NXPH1: variants seen among roughly 807,000 people sequenced by gnomAD.
The protein encoded by NXPH1 is neurexophilin-1.
In NXPH1, 5 loss-of-function variants were observed where a neutral mutation model predicts 23.7. The observed-to-expected ratio is 0.21, with a 90% confidence interval of 0.11 to 0.44. The LOEUF is 0.44. NXPH1 is among the 20% of genes least tolerant of loss of function. The pLI, the probability that NXPH1 is intolerant of heterozygous loss-of-function variation, is 0.99. For synonymous variants in NXPH1, 144 were observed against 122.2 expected (o/e 1.18, Z -1.18); for missense variants, 324 against 321.6 (o/e 1.01, Z -0.06).
At chr7:8,534,845 C>T (rs531073958) in intron 2 of NXPH1, among the ~76,000 whole-genome samples, 10 of 152,110 alleles carry the variant, frequency 6.6e-5, no homozygotes, top group African/African-American at 1.4e-4. Context: ...AAAACTACAA[C>T]GCAGGTTATG....
At chr7:8,612,852 A>G (rs1819650246) in intron 2 of NXPH1, among the ~76,000 whole-genome samples, 1 of 152,024 alleles carries the variant, frequency 6.6e-6, no homozygotes, top group Admixed American at 6.6e-5. Flanking sequence ...AGATAAAAAT[A>G]TTGAAAAAAT....
intron 2 of NXPH1, among the ~76,000 whole-genome samples, chr7:8,727,513 T>C (rs1780076876): frequency 6.6e-6 from 1 of 151,340 alleles, no homozygotes; most frequent in Non-Finnish European, 1.5e-5. Context: ...TTGATTTTTG[T>C]ATAAGGTGTA....
intron 2 of NXPH1, among the ~76,000 whole-genome samples, chr7:8,455,577 C>T (rs754657938): frequency 6.6e-6 from 1 of 152,138 alleles, no homozygotes; most frequent in Admixed American, 6.5e-5. Context: ...TGCACAGCCT[C>T]GTGGCCTGCA....
intron 2 of NXPH1, among the ~76,000 whole-genome samples, chr7:8,618,569 A>G (rs1318476418): frequency 6.6e-6 from 1 of 152,198 alleles, no homozygotes; most frequent in Non-Finnish European, 1.5e-5. Flanking sequence ...GCTGTATTGC[A>G]TTATAGCACA....
intron 2 of NXPH1, among the ~76,000 whole-genome samples, chr7:8,732,214 C>T (rs747901830): frequency 8.5e-5 from 13 of 152,334 alleles, no homozygotes; most frequent in African/African-American, 2.6e-4. Flanking sequence ...GCATGGTGCG[C>T]GCACCCACTG....
intron 2 of NXPH1, among the ~76,000 whole-genome samples, chr7:8,608,737 TTAAAA>T (rs1198525668): frequency 1.3e-5 from 2 of 152,046 alleles, no homozygotes. Flanking sequence ...CAAACTTCAC[TTAAAA>T]TAAACTCCAA....
chr7:8,572,802 A>C (rs542216613), intron 2 of NXPH1, among the ~76,000 whole-genome samples: 40 of 152,186 alleles, frequency 2.6e-4, no homozygotes, highest in Admixed American at 2.3e-3. Flanking sequence ...TATGCAATTA[A>C]AAATAGTTGG....
At chr7:8,619,419 A>G (rs1453985521) in intron 2 of NXPH1, among the ~76,000 whole-genome samples, 1 of 152,162 alleles carries the variant, frequency 6.6e-6, no homozygotes, top group Non-Finnish European at 1.5e-5. Context: ...GTTTTGGTTA[A>G]TCCAGGTCTT....
chr7:8,719,051 A>C (rs1268225442), intron 2 of NXPH1, among the ~76,000 whole-genome samples: 1 of 152,226 alleles, frequency 6.6e-6, no homozygotes, highest in Non-Finnish European at 1.5e-5. Context: ...AAAGAGGATA[A>C]AAATATGGGT....
chr7:8,678,533 G>C (rs1226134315), intron 2 of NXPH1, among the ~76,000 whole-genome samples: 1 of 152,098 alleles, frequency 6.6e-6, no homozygotes, highest in Non-Finnish European at 1.5e-5. Context: ...CATTGGAGCT[G>C]TTTGCTGGCT....
intron 2 of NXPH1, among the ~76,000 whole-genome samples, chr7:8,646,759 C>A (rs1454378266): frequency 6.6e-6 from 1 of 151,916 alleles, no homozygotes; most frequent in African/African-American, 2.4e-5. Context: ...AATCAGTGGA[C>A]CCCAAACAGT....
chr7:8,458,692 G>A (rs566013379), intron 2 of NXPH1, among the ~76,000 whole-genome samples: 108 of 146,562 alleles, frequency 7.4e-4, no homozygotes, highest in Non-Finnish European at 1.1e-3. Flanking sequence ...TGATGATTGC[G>A]GCATTTGGTT....
chr7:8,747,919 G>T, intron 2 of NXPH1, among the ~76,000 whole-genome samples: 1 of 152,196 alleles, frequency 6.6e-6, no homozygotes, highest in Non-Finnish European at 1.5e-5. Context: ...TGGGAAAGCT[G>T]TAGTTGTTTT....
chr7:8,742,820 C>T (rs1780390056), intron 2 of NXPH1, among the ~76,000 whole-genome samples: 1 of 151,972 alleles, frequency 6.6e-6, no homozygotes, highest in Non-Finnish European at 1.5e-5. Context: ...ATTGAAATGG[C>T]TTTTAAAAAT....
intron 2 of NXPH1, among the ~76,000 whole-genome samples, chr7:8,722,726 G>A (rs1001523358): frequency 2.6e-5 from 4 of 152,150 alleles, no homozygotes; most frequent in Non-Finnish European, 4.4e-5. Context: ...TCTCAATAAA[G>A]GAAAACCTTG....
At chr7:8,548,352 T>C (rs1051560026) in intron 2 of NXPH1, among the ~76,000 whole-genome samples, 1 of 151,546 alleles carries the variant, frequency 6.6e-6, no homozygotes, top group African/African-American at 2.4e-5. Flanking sequence ...GACATTTTTT[T>C]CTTTAAGAAA....
chr7:8,589,525 G>T (rs77119375), intron 2 of NXPH1, among the ~76,000 whole-genome samples: 1 of 151,962 alleles, frequency 6.6e-6, no homozygotes. Context: ...GTACCAGAGA[G>T]GGTATTATAC....
intron 2 of NXPH1, among the ~76,000 whole-genome samples, chr7:8,464,381 A>G (rs769105651): frequency 4.6e-5 from 7 of 152,198 alleles, no homozygotes; most frequent in African/African-American, 7.2e-5. Context: ...TTTGATAGCC[A>G]TCTGCTGCTC....
At chr7:8,544,238 A>G (rs529266185) in intron 2 of NXPH1, among the ~76,000 whole-genome samples, 5 of 4,166 alleles carry the variant, frequency 1.2e-3, no homozygotes, top group Non-Finnish European at 4.5e-4. Flanking sequence ...TTTGCTGTGG[A>G]TAACTTAGAT....
Sources: gnomAD v4.1 joint callset for allele counts (sites outside exome capture counted in the v4.1 genomes callset) on GRCh38, gnomAD v4.1.1 for gene constraint, MANE v1.5 for transcripts, NCBI Gene and HGNC (gene_info 2026-07-23, HGNC 2026-07-21) for gene names.